Variants in SNX30 observed in about 807,000 individuals in gnomAD.
SNX30 encodes the protein sorting nexin-30.
A neutral mutation model predicts 46.4 loss-of-function variants in SNX30; 24 were observed. The observed-to-expected ratio is 0.52, with a 90% CI of 0.37 to 0.73. The LOEUF is 0.73. SNX30 is among the 30% of genes least tolerant of loss of function. The probability of loss-of-function intolerance (pLI) is 0.00; values close to 1 mark genes in which losing one functional copy is unlikely to be tolerated. For synonymous variants in SNX30, 189 were observed against 211.5 expected (o/e 0.89, Z 0.92); for missense variants, 533 against 555.7 (o/e 0.96, Z 0.41).
chr9:112,761,874 G>C (rs542140514), intron 1 of SNX30, among the ~76,000 whole-genome samples: 10 of 151,482 alleles, frequency 6.6e-5, no homozygotes, highest in African/African-American at 2.4e-4. Context: ...AATCCCAGTA[G>C]ATCCAAATAG....
At chr9:112,865,009 A>ATC (rs1554757252) in intron 8 of SNX30, among the ~76,000 whole-genome samples, 1 of 11,988 alleles carries the variant, frequency 8.3e-5, no homozygotes, top group Non-Finnish European at 3.4e-4. Flanking sequence ...ACACACCCAC[A>ATC]CACCCCACTA....
intron 6 of SNX30, among the ~76,000 whole-genome samples, chr9:112,847,717 T>C (rs546438832): frequency 1.3e-5 from 2 of 152,344 alleles, no homozygotes; most frequent in East Asian, 3.9e-4. Context: ...TTAGGACCAC[T>C]TGAAATCACA....
At chr9:112,753,416 C>T (rs910444207) in intron 1 of SNX30, among the ~76,000 whole-genome samples, 1 of 152,186 alleles carries the variant, frequency 6.6e-6, no homozygotes, top group Non-Finnish European at 1.5e-5. Context: ...CAGAGACTTA[C>T]TCTGTCACCC....
At chr9:112,778,184 G>A (rs986941418) in intron 1 of SNX30, among the ~76,000 whole-genome samples, 1 of 151,932 alleles carries the variant, frequency 6.6e-6, no homozygotes, top group Non-Finnish European at 1.5e-5. Context: ...CCAAGAATGA[G>A]CATTCTAAGA....
At chr9:112,814,323 C>G (rs777481044) in intron 2 of SNX30, among the ~76,000 whole-genome samples, 1 of 152,172 alleles carries the variant, frequency 6.6e-6, no homozygotes, top group Non-Finnish European at 1.5e-5. Context: ...TAGCTGTAAC[C>G]TCTGCCTCCC....
At chr9:112,786,291 G>C (rs747166518) in intron 1 of SNX30, among the ~76,000 whole-genome samples, 20 of 151,672 alleles carry the variant, frequency 1.3e-4, no homozygotes, top group Non-Finnish European at 2.1e-4. Context: ...CTAATCTTTT[G>C]TATTTTTTTT....
chr9:112,867,520 ACTCCTCCCAC>A (rs1425352073), intron 8 of SNX30, among the ~76,000 whole-genome samples: 5 of 144,418 alleles, frequency 3.5e-5, no homozygotes, highest in Admixed American at 1.4e-4. Context: ...CTTCCTCAGA[ACTCCTCCCAC>A]CTCCTCAGAA....
At chr9:112,758,775 C>G (rs1046722731) in intron 1 of SNX30, among the ~76,000 whole-genome samples, 1 of 152,054 alleles carries the variant, frequency 6.6e-6, no homozygotes, top group South Asian at 2.1e-4. Context: ...CTTTGGGAGG[C>G]CAAGGCAGGA....
Position 112,750,804 on chromosome 9 carries a change from C to A in SNX30, c.-198C>A, listed in dbSNP as rs1166520092. The stretch of plus-strand genomic sequence containing the variant: ...ACCCGCGGCGGGCTCGGGCGCGGAG[C>A]GGGGGCGCGCGGCGCGGAGCGGAGC... On this transcript the variant is annotated 5_prime_UTR_variant, in exon 1 of 9. Coordinates refer to ENST00000374232, the MANE Select transcript of SNX30 (RefSeq NM_001012994.2). 1 of 242,994 alleles carries A rather than the reference C, an allele frequency of 4.1e-6. No individual in the cohort carries two copies. Among genetic ancestry groups the A allele is most frequent in the Non-Finnish European group, 6.5e-6 (1 of 153,306 alleles). 15.1% of individuals were successfully genotyped at this position (242,994 alleles called of 1,614,324 possible). A position where few individuals can be genotyped will look rare whatever the true frequency, so the allele number is the denominator to read the frequency against.
rs1840676144 is a variant in SNX30, at chr9:112,832,455, A to AGAGAGG, written c.618+1577_618+1578insGGAGAG. On this transcript the variant is annotated intron_variant, in intron 4 of 8. Coordinates refer to ENST00000374232, the MANE Select transcript of SNX30 (RefSeq NM_001012994.2). Reference sequence around the variant, plus strand: ...AAGAGAGAGAGAGAGAGAGAGAGAGAGAGAGTGTGTGTGTGTGTGTGTGTG... The same window carrying AGAGAGG: ...AAGAGAGAGAGAGAGAGAGAGAGAGAGAGAGGGAGAGTGTGTGTGTGTGTGTGTGTG... Among the ~76,000 whole-genome samples, 16 of 122,134 alleles carry AGAGAGG rather than the reference A, an allele frequency of 1.3e-4. 1 individual carries two copies. The South Asian group carries it at 4.3e-3, about 33-fold the overall frequency. 80.1% of individuals were successfully genotyped at this position (122,134 alleles called of 152,430 possible).
intron 1 of SNX30, among the ~76,000 whole-genome samples, chr9:112,767,192 A>G (rs1839556556): frequency 6.7e-6 from 1 of 148,636 alleles, no homozygotes; most frequent in Admixed American, 6.7e-5. Context: ...TTTGGTTTGC[A>G]GTTTTCTGAT....
At chr9:112,827,360 A>G (rs1439590332) in intron 3 of SNX30, among the ~76,000 whole-genome samples, 1 of 152,238 alleles carries the variant, frequency 6.6e-6, no homozygotes, top group Non-Finnish European at 1.5e-5. Flanking sequence ...CAAGAAATGT[A>G]TAGAACTTGA....
At chr9:112,855,976 G>C (rs930329791) in intron 7 of SNX30, among the ~76,000 whole-genome samples, 1 of 152,096 alleles carries the variant, frequency 6.6e-6, no homozygotes, top group Non-Finnish European at 1.5e-5. Context: ...AAATGGCACC[G>C]GGAGCATCCG....
chr9:112,805,855 C>T (rs538982480), intron 2 of SNX30, among the ~76,000 whole-genome samples: 13 of 152,230 alleles, frequency 8.5e-5, no homozygotes, highest in South Asian at 2.1e-4. Flanking sequence ...ATAACTCGCT[C>T]AAAGTTACAA....
At chr9:112,812,544 G>C (rs1238008813) in intron 2 of SNX30, among the ~76,000 whole-genome samples, 1 of 152,092 alleles carries the variant, frequency 6.6e-6, no homozygotes, top group African/African-American at 2.4e-5. Flanking sequence ...GTGAGCCACC[G>C]TAGTGGACCT....
Position 112,870,246 on chromosome 9 carries a change from C to A in SNX30, c.*1403C>A, listed in dbSNP as rs574367598. 6 of 152,176 alleles carry A rather than the reference C, an allele frequency of 3.9e-5. No individual in the cohort carries two copies. Among genetic ancestry groups the A allele is most frequent in the Admixed American group, 2.6e-4 (4 of 15,288 alleles). 9.4% of individuals were successfully genotyped at this position (152,176 alleles called of 1,614,324 possible). A position where few individuals can be genotyped will look rare whatever the true frequency, so the allele number is the denominator to read the frequency against. On this transcript the variant is annotated 3_prime_UTR_variant, in exon 9 of 9. Transcript: ENST00000374232. ...TCTGTGGCTCATCCCTGTAAAACTA[C>A]GAATCTGAGCCTCAAATAAGCAGTA...
At chr9:112,831,430 G>A (rs769683431) in intron 4 of SNX30, among the ~76,000 whole-genome samples, 8 of 152,188 alleles carry the variant, frequency 5.3e-5, no homozygotes, top group Non-Finnish European at 8.8e-5. Context: ...AGTATTACTG[G>A]GTGAGGCCAG....
intron 3 of SNX30, among the ~76,000 whole-genome samples, chr9:112,829,750 A>G (rs1840632419): frequency 6.6e-6 from 1 of 151,854 alleles, no homozygotes. Flanking sequence ...ATCCTCACCA[A>G]CACTTGTTTT....
intron 6 of SNX30, among the ~76,000 whole-genome samples, chr9:112,839,480 C>CA (rs1840820748): frequency 6.6e-6 from 1 of 151,864 alleles, no homozygotes; most frequent in South Asian, 2.1e-4. Context: ...ACTATGAGGA[C>CA]AAAAAAAATC....
Sources: gnomAD v4.1 joint callset for allele counts (sites outside exome capture counted in the v4.1 genomes callset) on GRCh38, gnomAD v4.1.1 for gene constraint, MANE v1.5 for transcripts, NCBI Gene and HGNC (gene_info 2026-07-23, HGNC 2026-07-21) for gene names.